Variants in KDM4B observed in about 807,000 individuals in gnomAD.
KDM4B encodes lysine demethylase 4B, also known as lysine-specific demethylase 4B.
In KDM4B, 32 loss-of-function variants were observed where a neutral mutation model predicts 125.2. That is an observed-to-expected ratio of 0.26 (90% CI 0.19 to 0.34). KDM4B has a LOEUF of 0.34. Among genes scored for constraint, KDM4B ranks in the 10% least tolerant of loss-of-function variants. The probability of loss-of-function intolerance (pLI) is 1.00; values close to 1 mark genes in which losing one functional copy is unlikely to be tolerated. For missense variants in KDM4B, 1,190 were observed against 1,577.7 expected, an observed-to-expected ratio of 0.75 and a Z score of 4.16; for synonymous variants, 721 against 677.9, an observed-to-expected ratio of 1.06 and a Z score of -0.99.
chr19:4,974,215 G>A (rs1000916159), intron 1 of KDM4B, among the ~76,000 whole-genome samples: 1 of 151,854 alleles, frequency 6.6e-6, no homozygotes, highest in African/African-American at 2.4e-5. Flanking sequence ...GGCTAACACC[G>A]TGAAACCCCG....
chr19:5,132,810 G>A (rs533738780), intron 13 of KDM4B, among the ~76,000 whole-genome samples: 1 of 152,300 alleles, frequency 6.6e-6, no homozygotes, highest in African/African-American at 2.4e-5. Flanking sequence ...GGCATTCTGG[G>A]GTTGTGAGTG....
chr19:5,137,166 G>C, intron 15 of KDM4B, 96 bp from the exon 16 acceptor site: 1 of 802,336 alleles, frequency 1.2e-6, no homozygotes, highest in Non-Finnish European at 2.1e-6. Context: ...TACGGACACT[G>C]GCCCCCAAGT....
At chr19:5,070,603 A>C (rs2037915362) in intron 6 of KDM4B, 1 of 160,240 alleles carries the variant, frequency 6.2e-6, no homozygotes, top group Non-Finnish European at 1.4e-5. Context: ...GCGGGCTGGC[A>C]GCTCCGGGGG....
intron 9 of KDM4B, among the ~76,000 whole-genome samples, chr19:5,092,835 A>G (rs1257072028): frequency 6.6e-6 from 1 of 152,194 alleles, no homozygotes; most frequent in African/African-American, 2.4e-5. Context: ...ATCCCGGCTC[A>G]TGGCTGTTCC....
rs2036602449 is a variant in KDM4B, at chr19:5,035,878, T to TGTGTGTGTGTGCGC, written c.141+2850_141+2851insTGTGTGTGCGCGTG. Among the ~76,000 whole-genome samples the TGTGTGTGTGTGCGC allele has an allele frequency of 1.0e-5, 1 of 96,914 alleles. No individual in the cohort carries two copies. Among genetic ancestry groups the TGTGTGTGTGTGCGC allele is most frequent in the African/African-American group, 3.2e-5 (1 of 31,718 alleles). 63.6% of individuals were successfully genotyped at this position (96,914 alleles called of 152,430 possible). ...GCACGTGTCTCTGTGTGTGTGTGTG[T>TGTGTGTGTGTGCGC]GTGCGCGCGCGCGCGCGCCTGCGCG... On this transcript the variant is annotated intron_variant, in intron 3 of 22. Coordinates refer to ENST00000159111, the MANE Select transcript of KDM4B (RefSeq NM_015015.3). The surrounding 1 kb of genome is among the most constrained non-coding windows in gnomAD (Gnocchi z 5.3).
intron 21 of KDM4B, among the ~76,000 whole-genome samples, chr19:5,145,172 G>T (rs1202241021): frequency 6.6e-6 from 1 of 151,256 alleles, no homozygotes; most frequent in Non-Finnish European, 1.5e-5. Context: ...CTTAACATAA[G>T]TTCTCCCTTT....
At chr19:5,013,430 C>T (rs531123495) in intron 1 of KDM4B, among the ~76,000 whole-genome samples, 4 of 152,278 alleles carry the variant, frequency 2.6e-5, no homozygotes, top group African/African-American at 9.6e-5. Flanking sequence ...GCCGCAGACA[C>T]AGTGGCTGAA....
chr19:4,987,119 T>C (rs1007833797), intron 1 of KDM4B, among the ~76,000 whole-genome samples: 5 of 152,022 alleles, frequency 3.3e-5, no homozygotes, highest in African/African-American at 7.2e-5. Flanking sequence ...CCACTACGCC[T>C]GGCTAATTTT....
rs139368304 is a variant in KDM4B, at chr19:5,042,616, G to A, written c.432+1365G>A. Among the ~76,000 whole-genome samples the A allele has an allele frequency of 1.6e-4, 25 of 152,180 alleles. No homozygotes were observed. The East Asian group carries it at 4.1e-3, about 25-fold the overall frequency. Reference sequence around the variant, plus strand: ...AAGAAACATGGCTTGGGAGGCCTCAGGAAACTTAGAGTCGTGGCAAAGGTG... The same window carrying A: ...AAGAAACATGGCTTGGGAGGCCTCAAGAAACTTAGAGTCGTGGCAAAGGTG... On this transcript the variant is annotated intron_variant, in intron 5 of 22. Coordinates refer to ENST00000159111, the MANE Select transcript of KDM4B (RefSeq NM_015015.3).
At position 5,047,341 on chromosome 19, in the gene KDM4B, G is replaced by C. The variant is rs543325083; in HGVS notation, c.433-135G>C. ...TCTGCAGGGTATGACCGGCCCCTGG[G>C]GGGGCCGCAGATACTGGGGTGGAGG... On this transcript the variant is annotated intron_variant, in intron 5 of 22. Transcript: ENST00000159111. The C allele has an allele frequency of 1.2e-4, 92 of 749,412 alleles. 1 individual carries two copies. The South Asian group carries it at 1.6e-3, about 13-fold the overall frequency. The allele number at this position is 749,412 out of a possible 1,614,324, so 46.4% of individuals were successfully genotyped here.
rs1382224916 is a variant in KDM4B at position 5,116,700 on chromosome 19, C to T, written c.1116-2953C>T. The stretch of plus-strand genomic sequence containing the variant: ...AGAGATACCAAGGAAGCTAGGCGTC[C>T]AAAGCAGGAGGCCAGTTCCAGACCC... On this transcript the variant is annotated intron_variant, in intron 10 of 22. Coordinates refer to ENST00000159111, the MANE Select transcript of KDM4B (RefSeq NM_015015.3). 2.0e-5 allele frequency among the ~76,000 whole-genome samples: 3 copies of T among 152,168 alleles called. No homozygotes were observed. The East Asian group carries it at 5.8e-4, about 29-fold the overall frequency.
At chr19:5,055,257 C>T (rs562028465) in intron 6 of KDM4B, among the ~76,000 whole-genome samples, 11 of 152,296 alleles carry the variant, frequency 7.2e-5, no homozygotes, top group South Asian at 6.2e-4. Flanking sequence ...GGGCACTCAC[C>T]GGGGCTCCCA....
At chr19:5,116,274 TAGG>T (rs1472171659) in intron 10 of KDM4B, among the ~76,000 whole-genome samples, 1 of 113,182 alleles carries the variant, frequency 8.8e-6, no homozygotes, top group Non-Finnish European at 1.9e-5. Context: ...TTATAAAGAA[TAGG>T]AGACTCTGTT....
chr19:5,077,295 C>T, intron 7 of KDM4B, 72 bp from the exon 8 acceptor site: 6 of 1,321,674 alleles, frequency 4.5e-6, no homozygotes, highest in Non-Finnish European at 6.4e-6. Flanking sequence ...CCAGCCTGCC[C>T]AGAGGGCAGC....
chr19:4,993,653 C>T (rs928883119), intron 1 of KDM4B, among the ~76,000 whole-genome samples: 1 of 151,850 alleles, frequency 6.6e-6, no homozygotes, highest in Admixed American at 6.6e-5. Context: ...CACTTTTGCC[C>T]AGTCTGGAGT....
At chr19:5,087,897 C>T (rs530778193) in intron 9 of KDM4B, among the ~76,000 whole-genome samples, 26 of 152,260 alleles carry the variant, frequency 1.7e-4, no homozygotes, top group Middle Eastern at 3.4e-3. Flanking sequence ...AGTCTCTGGA[C>T]GGGGGCTGGG....
At chr19:5,001,628 T>C (rs753998930) in intron 1 of KDM4B, among the ~76,000 whole-genome samples, 1 of 152,204 alleles carries the variant, frequency 6.6e-6, no homozygotes, top group Non-Finnish European at 1.5e-5. Flanking sequence ...GGGTCAGAAG[T>C]GCAGACATAT....
chr19:5,087,978 G>A (rs773290452), intron 9 of KDM4B, among the ~76,000 whole-genome samples: 6 of 152,204 alleles, frequency 3.9e-5, no homozygotes, highest in East Asian at 1.9e-4. Context: ...GGAATCTCAC[G>A]TCTTTCGGGA....
chr19:5,144,949 C>G (rs1449193927), intron 21 of KDM4B, 47 bp downstream of exon 21: 1 of 1,610,792 alleles, frequency 6.2e-7, no homozygotes, highest in Non-Finnish European at 8.5e-7. Flanking sequence ...CCAAGCTCTT[C>G]TTGTAGGTGC....
Sources: allele counts gnomAD v4.1 joint callset (sites outside exome capture counted in the v4.1 genomes callset), GRCh38; gene constraint gnomAD v4.1.1; non-coding constraint Gnocchi (gnomAD v3.1); transcripts MANE v1.5; gene names NCBI Gene and HGNC (gene_info 2026-07-23, HGNC 2026-07-21).